The following TBX1 variants were observed in gnomAD, a reference collection of about 807,000 sequenced individuals.
TBX1 encodes the protein T-box transcription factor 1, also known as T-box transcription factor TBX1.
Under a neutral mutation model 40.8 loss-of-function variants are expected in TBX1, and 16 were observed. The ratio of observed to expected loss-of-function variants is 0.39; its 90% confidence interval spans 0.27 to 0.60. TBX1 has a LOEUF of 0.60. Ranked by LOEUF, TBX1 falls within the 20% of genes least tolerant of loss-of-function variation. TBX1 has a pLI of 0.51. For missense variants in TBX1, 755 were observed against 728.5 expected (o/e 1.04, Z -0.42); for synonymous variants, 403 against 336.8 (o/e 1.20, Z -2.15).
chr22:19,765,443 C>T (rs1936799552), intron 4 of TBX1, among the ~76,000 whole-genome samples: 1 of 152,214 alleles, frequency 6.6e-6, no homozygotes, highest in African/African-American at 2.4e-5. Context: ...CTCTGTTCCC[C>T]ACCCCCCACC....
chr22:19,772,638 T>C (rs943031284), intron 8 of TBX1, among the ~76,000 whole-genome samples: 19 of 152,170 alleles, frequency 1.2e-4, no homozygotes, highest in Non-Finnish European at 1.9e-4. Context: ...AGTTTTTTTT[T>C]CCCCTCCGTT....
At chr22:19,776,920 G>A (rs1365528563) in intron 8 of TBX1, among the ~76,000 whole-genome samples, 1 of 151,982 alleles carries the variant, frequency 6.6e-6, no homozygotes, top group Non-Finnish European at 1.5e-5. Flanking sequence ...CAAAACCACA[G>A]TACAGAACAC....
chr22:19,774,951 CT>C (rs1293061455), intron 8 of TBX1, among the ~76,000 whole-genome samples: 1 of 152,142 alleles, frequency 6.6e-6, no homozygotes, highest in Non-Finnish European at 1.5e-5. Flanking sequence ...ATGGCACATT[CT>C]TTATTTTTTG....
chr22:19,783,049 G>A (rs745765131), downstream of TBX1: 1 of 833,888 alleles, frequency 1.2e-6, no homozygotes, highest in South Asian at 1.3e-5. Flanking sequence ...GGTCCCCGCT[G>A]TGCCCAGCCC....
intron 2 of TBX1, 59 bp from the exon 3 acceptor site, chr22:19,764,096 C>T (rs1284281365): frequency 7.5e-6 from 12 of 1,593,406 alleles, no homozygotes; most frequent in African/African-American, 5.4e-5. Context: ...GCCCAGCACA[C>T]GGGTCAAGGC....
At chr22:19,772,189 G>A (rs556535949), downstream of TBX1, among the ~76,000 whole-genome samples, 4 of 151,776 alleles carry the variant, frequency 2.6e-5, no homozygotes, top group East Asian at 3.9e-4. Context: ...TGCAACTTCC[G>A]CCTCCTGGGT....
chr22:19,768,559 C>T (rs1202154225), downstream of TBX1, among the ~76,000 whole-genome samples: 1 of 152,146 alleles, frequency 6.6e-6, no homozygotes, highest in Non-Finnish European at 1.5e-5. Context: ...CTGTGGATGC[C>T]CATTCCCAAG....
downstream of TBX1, among the ~76,000 whole-genome samples, chr22:19,768,208 T>C (rs1246379140): frequency 6.6e-6 from 1 of 152,228 alleles, no homozygotes; most frequent in East Asian, 1.9e-4. Flanking sequence ...CCTGTCCCAG[T>C]GTGTTTGTGG....
downstream of TBX1, among the ~76,000 whole-genome samples, chr22:19,770,326 C>T (rs1305365473): frequency 1.3e-5 from 2 of 152,250 alleles, no homozygotes; most frequent in South Asian, 2.1e-4. Context: ...CTGCATCCCA[C>T]GGAAGGGTTC....
chr22:19,780,846 G>C (rs535455000), downstream of TBX1, among the ~76,000 whole-genome samples: 94 of 146,388 alleles, frequency 6.4e-4, no homozygotes, highest in Middle Eastern at 3.5e-3. Flanking sequence ...GCAGTGGCGC[G>C]ATCTCGGCTC....
downstream of TBX1, among the ~76,000 whole-genome samples, chr22:19,771,442 G>A (rs1936988681): frequency 6.6e-6 from 1 of 152,250 alleles, no homozygotes; most frequent in Admixed American, 6.5e-5. Flanking sequence ...CTGTGTGTGG[G>A]AAACAGCAGA....
At position 19,763,357 on chromosome 22, in the gene TBX1, G is replaced by GT; in HGVS notation, c.539+16dup. ...AAGCGCTACCGGTGAGCGAGTGGTT[G>GT]TAAGCGTGAGGGACCGGGAGGGCAC... On this transcript the variant is annotated intron_variant, in intron 2 of 6. Transcript: ENST00000649276. 1 of 1,613,438 alleles carries GT rather than the reference G, an allele frequency of 6.2e-7. No individual in the cohort carries two copies. The highest frequency in any genetic ancestry group is 8.5e-7 in the Non-Finnish European group (1 of 1,179,430).
chr22:19,769,813 C>G (rs546268316), downstream of TBX1, among the ~76,000 whole-genome samples: 2 of 152,342 alleles, frequency 1.3e-5, no homozygotes, highest in South Asian at 4.1e-4. Flanking sequence ...TAGTTGAGTG[C>G]TATGCTGCTC....
intron 8 of TBX1, among the ~76,000 whole-genome samples, chr22:19,776,520 A>AG (rs1303281970): frequency 6.6e-6 from 1 of 151,948 alleles, no homozygotes; most frequent in Non-Finnish European, 1.5e-5. Flanking sequence ...AGATGGGTGC[A>AG]GGGGACCTCG....
intron 8 of TBX1, chr22:19,779,074 G>A (rs1261347388): frequency 2.0e-5 from 18 of 890,256 alleles, no homozygotes; most frequent in South Asian, 1.2e-4. Flanking sequence ...TCCTGTGGGC[G>A]GCTCGGCTCG....
downstream of TBX1, among the ~76,000 whole-genome samples, chr22:19,768,597 G>A (rs1294994291): frequency 1.3e-5 from 2 of 152,172 alleles, no homozygotes; most frequent in Admixed American, 6.5e-5. Flanking sequence ...GTGAACTTGG[G>A]GCAGCCATTA....
At chr22:19,763,478 C>A (rs552754577) in intron 2 of TBX1, 136 bp downstream of exon 2, 2 of 743,670 alleles carry the variant, frequency 2.7e-6, no homozygotes, top group East Asian at 2.7e-5. Context: ...CCGATCAACC[C>A]GCTCCCTCCT....
chr22:19,769,969 G>A (rs780191764), downstream of TBX1, among the ~76,000 whole-genome samples: 58 of 152,200 alleles, frequency 3.8e-4, no homozygotes, highest in African/African-American at 1.4e-3. Context: ...TAGGTTCCCC[G>A]TTGAGCACAC....
upstream of TBX1, among the ~76,000 whole-genome samples, chr22:19,758,093 C>T (rs1461666396): frequency 6.6e-6 from 1 of 152,206 alleles, no homozygotes; most frequent in African/African-American, 2.4e-5. Context: ...AGCCTCCCCA[C>T]TGGCGCCCAG....
Sources: allele counts gnomAD v4.1 joint callset (sites outside exome capture counted in the v4.1 genomes callset), GRCh38; gene constraint gnomAD v4.1.1; transcripts MANE v1.5; gene names NCBI Gene and HGNC (gene_info 2026-07-23, HGNC 2026-07-21).